CLIP4: variants seen among roughly 807,000 people sequenced by gnomAD.
CLIP4 encodes CAP-Gly domain containing linker protein family member 4, also known as CAP-Gly domain-containing linker protein 4.
In CLIP4, 47 loss-of-function variants were observed where a neutral mutation model predicts 73.1. The ratio of observed to expected loss-of-function variants is 0.64; its 90% CI spans 0.51 to 0.82. CLIP4 has a LOEUF of 0.82. Among genes scored for constraint, CLIP4 ranks in the 40% least tolerant of loss-of-function variants. CLIP4 has a pLI of 0.00. For missense variants in CLIP4, 874 were observed against 852.9 expected (o/e 1.02, Z -0.31); for synonymous variants, 306 against 295.4 (o/e 1.04, Z -0.37).
intron 6 of CLIP4, among the ~76,000 whole-genome samples, chr2:29,136,022 T>C (rs1665327920): frequency 6.6e-6 from 1 of 152,176 alleles, no homozygotes; most frequent in East Asian, 1.9e-4. Flanking sequence ...ATTCTAAACT[T>C]TTTTGGAAAT....
intron 1 of CLIP4, among the ~76,000 whole-genome samples, chr2:29,116,318 CTG>C (rs1266645803): frequency 6.6e-6 from 1 of 152,202 alleles, no homozygotes; most frequent in East Asian, 1.9e-4. Flanking sequence ...GTTTTCAGCT[CTG>C]TGCTGAGACA....
At chr2:29,134,878 G>C (rs565278304) in intron 5 of CLIP4, among the ~76,000 whole-genome samples, 1 of 152,182 alleles carries the variant, frequency 6.6e-6, no homozygotes, top group South Asian at 2.1e-4. Flanking sequence ...AGAGTATTAT[G>C]AATCAATTTA....
intron 1 of CLIP4, among the ~76,000 whole-genome samples, chr2:29,107,358 GTTTT>G (rs796180363): frequency 7.7e-5 from 5 of 65,354 alleles, no homozygotes; most frequent in Non-Finnish European, 1.2e-4. Flanking sequence ...GAACATGATA[GTTTT>G]TTTTTTTTTT....
At chr2:29,125,464 C>T (rs1664535181) in intron 2 of CLIP4, among the ~76,000 whole-genome samples, 1 of 152,150 alleles carries the variant, frequency 6.6e-6, no homozygotes, top group African/African-American at 2.4e-5. Context: ...TGACCTCTGG[C>T]CGCCTCAAGT....
Position 29,181,643 on chromosome 2 carries a change from T to C in CLIP4, c.1868T>C (p.Leu623Pro). Residue 623 changes from leucine (L) to proline (P), a missense_variant, in exon 16 of 16, where the codon CTG (leucine) becomes CCG (proline). Coordinates refer to ENST00000320081, the MANE Select transcript of CLIP4 (RefSeq NM_024692.6). The part of the protein sequence containing the change: ...TAGGIEGSVK[L>P]HEGSQVLLTS... ...GGTGGCATTGAAGGGAGCGTGAAGCTGCACGAGGGGTCTCAGGTCCTGCTC... is the reference window on the plus strand; with the variant it reads ...GGTGGCATTGAAGGGAGCGTGAAGCCGCACGAGGGGTCTCAGGTCCTGCTC... The C allele has an allele frequency of 6.2e-7, 1 of 1,614,182 alleles. No homozygotes were observed. The highest frequency in any genetic ancestry group is 8.5e-7 in the Non-Finnish European group (1 of 1,180,014).
chr2:29,144,960 C>T (rs1377722624), intron 7 of CLIP4, among the ~76,000 whole-genome samples: 5 of 151,340 alleles, frequency 3.3e-5, no homozygotes, highest in Admixed American at 1.3e-4. Context: ...GTGCTACTAT[C>T]CAGCTAATTA....
intron 2 of CLIP4, among the ~76,000 whole-genome samples, chr2:29,125,387 G>A (rs1043122515): frequency 6.6e-6 from 1 of 152,184 alleles, no homozygotes; most frequent in South Asian, 2.1e-4. Flanking sequence ...TAGTTGAGGA[G>A]GACCCTGCAC....
intron 1 of CLIP4, among the ~76,000 whole-genome samples, chr2:29,103,265 T>C (rs1668102996): frequency 6.6e-6 from 1 of 152,060 alleles, no homozygotes; most frequent in South Asian, 2.1e-4. Context: ...TTATTATTTA[T>C]ATAAAATTTA....
upstream of CLIP4, among the ~76,000 whole-genome samples, chr2:29,112,931 T>G (rs1229947866): frequency 6.6e-6 from 1 of 152,200 alleles, no homozygotes; most frequent in African/African-American, 2.4e-5. Context: ...ATGGTCGGGG[T>G]CCTGAGAGCT....
chr2:29,160,066 G>C (rs1320715456), intron 11 of CLIP4, among the ~76,000 whole-genome samples: 1 of 152,226 alleles, frequency 6.6e-6, no homozygotes, highest in Non-Finnish European at 1.5e-5. Context: ...TAGTTTACCA[G>C]GGATCAGGTT....
chr2:29,173,678 A>G (rs190652313), intron 14 of CLIP4, among the ~76,000 whole-genome samples: 109 of 152,350 alleles, frequency 7.2e-4, no homozygotes, highest in African/African-American at 2.4e-3. Context: ...GTCAATCAAA[A>G]GATTCATTCA....
chr2:29,132,124 G>A (rs1408456039), intron 3 of CLIP4, 28 bp from the exon 4 acceptor site: 2 of 1,566,994 alleles, frequency 1.3e-6, no homozygotes, highest in East Asian at 4.5e-5. Flanking sequence ...TAGTTAGGTT[G>A]TAACCATATT....
In CLIP4 at chr2:29,157,283, T is replaced by G; in HGVS notation, c.1335T>G (p.Asn445Lys). 6.2e-7 allele frequency: 1 copy of G among 1,614,164 alleles called. No individual in the cohort carries two copies. The highest frequency in any genetic ancestry group is 8.5e-7 in the Non-Finnish European group (1 of 1,180,004). ...EHRQSYPKKQ[N>K]AISSNKKTMS... is the part of the protein sequence containing the mutation. ...GACAGAGCTACCCCAAGAAACAGAA[T>G]GCAATCAGCAGTAACAAGAAGACAA... Residue 445 changes from asparagine to lysine, a missense_variant, in exon 11 of 16, where the codon AAT (asparagine) becomes AAG (lysine). Transcript: ENST00000320081.
At chr2:29,176,295 T>G (rs991194875) in intron 15 of CLIP4, among the ~76,000 whole-genome samples, 2 of 152,210 alleles carry the variant, frequency 1.3e-5, no homozygotes, top group African/African-American at 2.4e-5. Flanking sequence ...CATGGTGTGT[T>G]CTGAGACACG....
chr2:29,160,240 AT>A, intron 11 of CLIP4, 92 bp from the exon 12 acceptor site: 1 of 1,527,148 alleles, frequency 6.5e-7, no homozygotes, highest in Non-Finnish European at 9.0e-7. Context: ...ACCTAGTGTG[AT>A]TTTTTGGCTA....
chr2:29,101,009 G>A (rs13015938), intron 1 of CLIP4, among the ~76,000 whole-genome samples: 21,294 of 152,162 alleles, frequency 0.14, 1,969 homozygotes, highest in Middle Eastern at 0.25. Context: ...TAGGGAAGCC[G>A]CCCAAGTGCA....
intron 1 of CLIP4, 57 bp from the exon 2 acceptor site, chr2:29,121,317 C>A: frequency 6.8e-7 from 1 of 1,460,488 alleles, no homozygotes; most frequent in South Asian, 1.4e-5. Flanking sequence ...TGAAGGCAGT[C>A]ATTCTAAGTT....
At chr2:29,132,479 T>C (rs4666168) in intron 4 of CLIP4, 397,850 of 497,368 alleles carry the variant, frequency 0.8, 160,554 homozygotes, top group East Asian at 0.94. Flanking sequence ...TCATGCCTGA[T>C]TGCATAATAG....
chr2:29,158,302 C>T (rs1053540229), intron 11 of CLIP4, among the ~76,000 whole-genome samples: 5 of 152,120 alleles, frequency 3.3e-5, no homozygotes, highest in Admixed American at 6.5e-5. Context: ...TTTTAAGGCC[C>T]CCTTCATTTG....
Sources: gnomAD v4.1 joint callset for allele counts (sites outside exome capture counted in the v4.1 genomes callset) on GRCh38, gnomAD v4.1.1 for gene constraint, MANE v1.5 for transcripts, NCBI Gene and HGNC (gene_info 2026-07-23, HGNC 2026-07-21) for gene names.